Variants in NUP155 observed in about 807,000 individuals in gnomAD.
The protein encoded by NUP155 is nucleoporin 155, also known as nuclear pore complex protein Nup155.
Under a neutral mutation model 180.4 loss-of-function variants are expected in NUP155, and 71 were observed. That is an observed-to-expected ratio of 0.39 (90% CI 0.33 to 0.48). The LOEUF is 0.48. Ranked by LOEUF, NUP155 falls within the 20% of genes least tolerant of loss-of-function variation. The probability of loss-of-function intolerance (pLI) is 0.91; values close to 1 mark genes in which losing one functional copy is unlikely to be tolerated. For synonymous variants in NUP155, 582 were observed against 559.5 expected (o/e 1.04, Z -0.57); for missense variants, 1,553 against 1,648.9 (o/e 0.94, Z 1.01).
intron 21 of NUP155, among the ~76,000 whole-genome samples, chr5:37,314,592 C>T (rs1444152831): frequency 6.6e-6 from 1 of 152,096 alleles, no homozygotes; most frequent in East Asian, 1.9e-4. Flanking sequence ...AATCCCAGCA[C>T]TTTGGGAGGC....
intron 32 of NUP155, among the ~76,000 whole-genome samples, chr5:37,297,929 C>A: frequency 2.5e-5 from 3 of 118,986 alleles, no homozygotes; most frequent in African/African-American, 3.9e-5. Context: ...TTTGAATGCT[C>A]ATTTGAAAAA....
At chr5:37,351,099 T>A (rs1043429336) in intron 6 of NUP155, 91 bp downstream of exon 6, 2 of 985,126 alleles carry the variant, frequency 2.0e-6, no homozygotes, top group African/African-American at 3.3e-5. Flanking sequence ...AATATATTAA[T>A]GTCCTTATAT....
intron 20 of NUP155, among the ~76,000 whole-genome samples, chr5:37,323,608 CTA>C (rs999501388): frequency 7.6e-6 from 1 of 131,934 alleles, no homozygotes; most frequent in African/African-American, 3.0e-5. Context: ...ATTTATATAA[CTA>C]TATTTCTATA....
At chr5:37,293,133 C>T in intron 33 of NUP155, 148 bp from the exon 34 acceptor site, 1 of 624,380 alleles carries the variant, frequency 1.6e-6, no homozygotes, top group Non-Finnish European at 2.9e-6. Context: ...AATTATATAT[C>T]TGATTATAGT....
intron 21 of NUP155, among the ~76,000 whole-genome samples, chr5:37,315,330 A>T (rs1743814138): frequency 6.6e-6 from 1 of 152,244 alleles, no homozygotes; most frequent in Non-Finnish European, 1.5e-5. Flanking sequence ...AATGGCACAA[A>T]AAGTTCATGC....
chr5:37,305,542 C>T (rs1310927389), intron 25 of NUP155, among the ~76,000 whole-genome samples: 1 of 152,026 alleles, frequency 6.6e-6, no homozygotes, highest in Admixed American at 6.6e-5. Flanking sequence ...ATTAGCCGGG[C>T]TTGGTGGTGC....
chr5:37,350,334 C>T (rs1746374997), intron 6 of NUP155, 69 bp from the exon 7 acceptor site: 1 of 981,816 alleles, frequency 1.0e-6, no homozygotes, highest in Non-Finnish European at 1.6e-6. Flanking sequence ...ACTGTATATC[C>T]ATATTTATAA....
At chr5:37,344,569 T>TG (rs1745953401) in intron 9 of NUP155, among the ~76,000 whole-genome samples, 1 of 150,280 alleles carries the variant, frequency 6.7e-6, no homozygotes, top group African/African-American at 2.4e-5. Context: ...TCATAAATTC[T>TG]GATATAACTG....
At chr5:37,359,180 A>C (rs1347849057) in intron 3 of NUP155, among the ~76,000 whole-genome samples, 1 of 148,978 alleles carries the variant, frequency 6.7e-6, no homozygotes, top group African/African-American at 2.4e-5. Flanking sequence ...TATATATTGA[A>C]TATATAAAAA....
At chr5:37,293,162 T>A (rs749450166) in intron 33 of NUP155, 177 bp from the exon 34 acceptor site, 3 of 572,438 alleles carry the variant, frequency 5.2e-6, no homozygotes, top group Non-Finnish European at 9.4e-6. Context: ...CAAACAACAT[T>A]AAAAACTTAT....
In NUP155 at chr5:37,333,648, T is replaced by C; in HGVS notation, c.1348-15A>G. 6.2e-7 allele frequency: 1 copy of C among 1,605,236 alleles called. No individual in the cohort carries two copies. The highest frequency in any genetic ancestry group is 1.1e-5 in the South Asian group (1 of 90,612). ...CCAGCTGTCATCTATGTAAAAGAAATAAATGTTTTATACATCATATTGAAG... is the reference window on the plus strand; with the variant it reads ...CCAGCTGTCATCTATGTAAAAGAAACAAATGTTTTATACATCATATTGAAG... On this transcript the variant is annotated splice_polypyrimidine_tract_variant and intron_variant, in intron 12 of 34. Transcript: ENST00000231498.
At position 37,289,597 on chromosome 5, in the gene NUP155, A is replaced by T. The variant is rs746491518; in HGVS notation, c.*2303T>A. 3 of 152,242 alleles carry T rather than the reference A, an allele frequency of 2.0e-5. No homozygotes were observed. Among genetic ancestry groups the T allele is most frequent in the Non-Finnish European group, 4.4e-5 (3 of 68,046 alleles). The allele number at this position is 152,242 out of a possible 1,614,324, so 9.4% of individuals were successfully genotyped here. The stretch of plus-strand genomic sequence containing the variant: ...CATCTGTTGTGGGGCTGGAATTCCT[A>T]AAACCTCTCAAAGCATGCTGTGTGA... On this transcript the variant is annotated 3_prime_UTR_variant, in exon 35 of 35. Coordinates refer to ENST00000231498, the MANE Select transcript of NUP155 (RefSeq NM_153485.3).
At position 37,351,298 on chromosome 5, in the gene NUP155, T is replaced by TA; in HGVS notation, c.614dup (p.Leu205PhefsTer7). Reference sequence around the variant, plus strand: ...AAGTATTATCAGTAGGAAGAGAATATAAAGGATCTGGAAGCAACTGCATTC... The same window carrying TA: ...AAGTATTATCAGTAGGAAGAGAATATAAAAGGATCTGGAAGCAACTGCATTC... On this transcript the variant is annotated frameshift_variant, in exon 6 of 35. Transcript: ENST00000231498. LOFTEE classifies it high-confidence loss of function. The TA allele has an allele frequency of 6.2e-7, 1 of 1,612,954 alleles. No individual in the cohort carries two copies. The highest frequency in any genetic ancestry group is 1.1e-5 in the South Asian group (1 of 91,010).
At chr5:37,345,489 T>TGACGTGAC (rs1746016483) in intron 9 of NUP155, among the ~76,000 whole-genome samples, 1 of 136,910 alleles carries the variant, frequency 7.3e-6, no homozygotes, top group African/African-American at 2.8e-5. Context: ...CCAGCCTGGG[T>TGACGTGAC]ATCAGAGTGT....
intron 22 of NUP155, among the ~76,000 whole-genome samples, chr5:37,313,407 C>T (rs1743648277): frequency 6.7e-6 from 1 of 148,776 alleles, no homozygotes; most frequent in Non-Finnish European, 1.5e-5. Context: ...GCCTGGGCGA[C>T]AGAGTGAGAC....
At chr5:37,311,370 C>G (rs905061666) in intron 22 of NUP155, among the ~76,000 whole-genome samples, 10 of 151,916 alleles carry the variant, frequency 6.6e-5, no homozygotes, top group Non-Finnish European at 1.5e-4. Flanking sequence ...AAAAACATAC[C>G]CAGGATAAAA....
chr5:37,329,897 C>A, intron 15 of NUP155, 141 bp downstream of exon 15: 1 of 665,930 alleles, frequency 1.5e-6, no homozygotes, highest in South Asian at 1.7e-5. Flanking sequence ...CTCCAGATTT[C>A]ACCCTTTTGC....
chr5:37,346,216 T>C (rs944069853), intron 9 of NUP155, among the ~76,000 whole-genome samples: 1 of 151,758 alleles, frequency 6.6e-6, no homozygotes, highest in Non-Finnish European at 1.5e-5. Flanking sequence ...AAATTGAGGC[T>C]ATAGCAGACT....
intron 9 of NUP155, 137 bp downstream of exon 9, chr5:37,348,368 T>C (rs1162830671): frequency 2.9e-6 from 2 of 686,498 alleles, no homozygotes; most frequent in Non-Finnish European, 5.4e-6. Context: ...AAACATAATG[T>C]AGAGTGTCAT....
Sources: allele counts gnomAD v4.1 joint callset (sites outside exome capture counted in the v4.1 genomes callset), GRCh38; gene constraint gnomAD v4.1.1; transcripts MANE v1.5; gene names NCBI Gene and HGNC (gene_info 2026-07-23, HGNC 2026-07-21).